The following COL24A1 variants were observed in gnomAD, a reference collection of about 807,000 sequenced individuals.
COL24A1 encodes collagen alpha-1(XXIV) chain.
COL24A1 carries 224 observed loss-of-function variants against 253.9 expected under a neutral mutation model. The ratio of observed to expected loss-of-function variants is 0.88; its 90% confidence interval spans 0.79 to 0.99. COL24A1 has a LOEUF of 0.99. COL24A1 is among the 50% of genes least tolerant of loss of function. COL24A1 has a pLI of 0.00. For synonymous variants in COL24A1, 685 were observed against 673.7 expected (o/e 1.02, Z -0.26); for missense variants, 2,131 against 2,068.5 (o/e 1.03, Z -0.59).
chr1:86,125,370 G>C lies in COL24A1; in HGVS notation c.966C>G (p.Val322=), dbSNP rs1191076492. The change falls in exon 3 of 60, where the codon GTC becomes GTG. Residue 322 remains valine, a synonymous_variant. Coordinates refer to ENST00000370571, the MANE Select transcript of COL24A1 (RefSeq NM_152890.7). The stretch of plus-strand genomic sequence containing the variant: ...CATGGTTTGTGAGATCCACAGCAGA[G>C]ACATTTCCTGACTGAAGAGAAGATA... ...SQLSSLQSGN[V]SAVDLTNHGI... 6.2e-7 allele frequency: 1 copy of C among 1,613,652 alleles called. No individual in the cohort carries two copies. The highest frequency in any genetic ancestry group is 1.1e-5 in the South Asian group (1 of 91,076).
At chr1:85,855,060 C>T (rs1678270968) in intron 37 of COL24A1, among the ~76,000 whole-genome samples, 3 of 151,942 alleles carry the variant, frequency 2.0e-5, no homozygotes, top group South Asian at 4.2e-4. Flanking sequence ...TATAGAAATG[C>T]TATTAATTTT....
intron 7 of COL24A1, among the ~76,000 whole-genome samples, chr1:86,076,808 A>T (rs1416277725): frequency 6.6e-6 from 1 of 152,176 alleles, no homozygotes; most frequent in Non-Finnish European, 1.5e-5. Context: ...ATCTGAAACC[A>T]GACCCCTTCC....
At chr1:85,909,437 CCAAATATAAAATTTGTCAGCTA>C (rs1685160845) in intron 26 of COL24A1, among the ~76,000 whole-genome samples, 1 of 151,520 alleles carries the variant, frequency 6.6e-6, no homozygotes, top group Non-Finnish European at 1.5e-5. Flanking sequence ...AAGATGTAAC[CCAAATATAAAATTTGTCAGCTA>C]TTTCCTATAT....
At chr1:86,000,761 G>A (rs1003752974) in intron 19 of COL24A1, among the ~76,000 whole-genome samples, 2 of 152,174 alleles carry the variant, frequency 1.3e-5, no homozygotes, top group Admixed American at 6.5e-5. Flanking sequence ...TGTGATTAGT[G>A]GTCTTGATTC....
chr1:86,079,856 T>A (rs1482950945), intron 7 of COL24A1, among the ~76,000 whole-genome samples: 1 of 152,074 alleles, frequency 6.6e-6, no homozygotes, highest in Non-Finnish European at 1.5e-5. Context: ...TGGAAAACAG[T>A]TTGGAGGTTC....
rs1046307867 is a variant in COL24A1 at position 85,730,440 on chromosome 1, A to G, written c.*106T>C. 7 of 1,229,524 alleles carry G rather than the reference A, an allele frequency of 5.7e-6. No individual in the cohort carries two copies. The East Asian group carries it at 1.2e-4, about 21-fold the overall frequency. 76.2% of individuals were successfully genotyped at this position (1,229,524 alleles called of 1,614,324 possible). A position where few individuals can be genotyped will look rare whatever the true frequency, so the allele number is the denominator to read the frequency against. ...CCTGAGATTCTTTAAGATTTAGCCA[A>G]TGCTTTATTACATGCATTTCATAAT... On this transcript the variant is annotated 3_prime_UTR_variant, in exon 60 of 60. Transcript: ENST00000370571.
chr1:86,046,841 C>A lies in COL24A1; in HGVS notation c.1934G>T (p.Gly645Val). Residue 645 changes from glycine (G) to valine (V), a missense_variant, in exon 12 of 60, where the codon GGT becomes GTT. Transcript: ENST00000370571. Reference protein sequence around the residue: ...RGIPGIRGKKGFKGRQGFPGD... With the variant: ...RGIPGIRGKKVFKGRQGFPGD... Reference sequence around the variant, plus strand: ...TTAAGATACCTGTCTCCCCTTAAAACCCTTCTTTCCACGGATCCCAGGAAT... The same window carrying A: ...TTAAGATACCTGTCTCCCCTTAAAAACCTTCTTTCCACGGATCCCAGGAAT... 1 of 1,608,990 alleles carries A rather than the reference C, an allele frequency of 6.2e-7. No individual in the cohort carries two copies. The highest frequency in any genetic ancestry group is 8.5e-7 in the Non-Finnish European group (1 of 1,175,780).
At chr1:86,119,268 T>A (rs970675479) in intron 3 of COL24A1, among the ~76,000 whole-genome samples, 8 of 152,112 alleles carry the variant, frequency 5.3e-5, no homozygotes, top group African/African-American at 1.9e-4. Flanking sequence ...GGAGCGAAGG[T>A]GTTGAGAGAT....
chr1:85,858,668 C>CT (rs779154193), intron 37 of COL24A1, among the ~76,000 whole-genome samples: 63 of 150,006 alleles, frequency 4.2e-4, no homozygotes, highest in Non-Finnish European at 5.9e-4. Flanking sequence ...TCCTTCCTTC[C>CT]TTCCTTCCTT....
At chr1:85,739,347 G>T (rs1364431747) in intron 57 of COL24A1, among the ~76,000 whole-genome samples, 1 of 152,098 alleles carries the variant, frequency 6.6e-6, no homozygotes. Flanking sequence ...TATTTGGGTA[G>T]GGGCTCCATA....
chr1:85,960,354 AT>A (rs1690906719), intron 24 of COL24A1, among the ~76,000 whole-genome samples: 1 of 152,142 alleles, frequency 6.6e-6, no homozygotes. Flanking sequence ...GTTAGAGAAT[AT>A]TTTGGCTGGC....
At chr1:86,132,343 T>C (rs887665083) in intron 2 of COL24A1, among the ~76,000 whole-genome samples, 28 of 152,324 alleles carry the variant, frequency 1.8e-4, no homozygotes, top group Admixed American at 5.9e-4. Flanking sequence ...GTAGTTTCTT[T>C]TGCTGTGCAG....
At chr1:85,926,312 A>G (rs557730087) in intron 24 of COL24A1, among the ~76,000 whole-genome samples, 1 of 152,362 alleles carries the variant, frequency 6.6e-6, no homozygotes, top group South Asian at 2.1e-4. Context: ...TGACCCAGCA[A>G]TCCCATTACT....
At chr1:85,941,356 C>A (rs951624081) in intron 24 of COL24A1, among the ~76,000 whole-genome samples, 4 of 152,032 alleles carry the variant, frequency 2.6e-5, no homozygotes, top group South Asian at 2.1e-4. Context: ...ATCACTCTAA[C>A]TACAAATGAG....
intron 2 of COL24A1, among the ~76,000 whole-genome samples, chr1:86,133,456 T>C (rs1649647980): frequency 6.6e-6 from 1 of 152,188 alleles, no homozygotes; most frequent in South Asian, 2.1e-4. Flanking sequence ...GCTTCCAGTT[T>C]TTCCCATTCA....
At chr1:85,881,391 G>A (rs1681824297) in intron 32 of COL24A1, among the ~76,000 whole-genome samples, 1 of 152,008 alleles carries the variant, frequency 6.6e-6, no homozygotes, top group South Asian at 2.1e-4. Context: ...GGCCGAGGCG[G>A]GCCGATCACG....
At chr1:85,919,217 T>C (rs950241532) in intron 24 of COL24A1, among the ~76,000 whole-genome samples, 2 of 152,058 alleles carry the variant, frequency 1.3e-5, no homozygotes, top group South Asian at 2.1e-4. Context: ...AAACCACTAA[T>C]ATATTCAGGC....
chr1:85,909,662 A>G (rs1385490174), intron 26 of COL24A1, among the ~76,000 whole-genome samples: 2 of 151,910 alleles, frequency 1.3e-5, no homozygotes, highest in African/African-American at 4.8e-5. Context: ...AAATCACAGT[A>G]TGTAGAATTC....
intron 5 of COL24A1, among the ~76,000 whole-genome samples, chr1:86,108,609 C>A (rs956136143): frequency 2.0e-5 from 2 of 100,646 alleles, no homozygotes; most frequent in African/African-American, 8.3e-5. Context: ...ATGGAGAAAC[C>A]CCATCTCTAC....
Sources: allele counts gnomAD v4.1 joint callset (sites outside exome capture counted in the v4.1 genomes callset), GRCh38; gene constraint gnomAD v4.1.1; transcripts MANE v1.5; gene names NCBI Gene and HGNC (gene_info 2026-07-23, HGNC 2026-07-21).